The following LAIR1 variants were observed in gnomAD, a reference collection of about 807,000 sequenced individuals.
The protein encoded by LAIR1 is leukocyte-associated immunoglobulin-like receptor 1.
Under a neutral mutation model 32.8 loss-of-function variants are expected in LAIR1, and 24 were observed. The observed-to-expected ratio is 0.73, with a 90% confidence interval of 0.53 to 1.03. The LOEUF (loss-of-function observed/expected upper bound fraction) is 1.03, where lower values mean the gene tolerates loss of function less well. LAIR1 is among the 50% of genes least tolerant of loss of function. LAIR1 has a pLI of 0.00. For synonymous variants in LAIR1, 150 were observed against 140.5 expected (o/e 1.07, Z -0.48); for missense variants, 355 against 347.5 (o/e 1.02, Z -0.17).
exon 1 of LAIR1, chr19:54,370,527 G>A (rs2082378795): frequency 2.6e-6 from 1 of 390,252 alleles, no homozygotes; most frequent in Non-Finnish European, 4.6e-6. Flanking sequence ...CATAGCGGGT[G>A]TCATAGATGT....
chr19:54,357,062 C>G lies in LAIR1; in HGVS notation c.416-96G>C. Reference sequence around the variant, plus strand: ...CACATCCACTGTGGGGATCTCCCTTCACTCCCCAGGACCCTGACTGCTCCC... The same window carrying G: ...CACATCCACTGTGGGGATCTCCCTTGACTCCCCAGGACCCTGACTGCTCCC... On this transcript the variant is annotated intron_variant, in intron 4 of 9. Coordinates refer to ENST00000391742, the MANE Select transcript of LAIR1 (RefSeq NM_002287.6). 7 of 1,195,998 alleles carry G rather than the reference C, an allele frequency of 5.9e-6. No individual in the cohort carries two copies. In the South Asian group the frequency reaches 9.3e-5, roughly 16 times the overall value. 74.1% of individuals were successfully genotyped at this position (1,195,998 alleles called of 1,614,324 possible). A position where few individuals can be genotyped will look rare whatever the true frequency, so the allele number is the denominator to read the frequency against.
In LAIR1 at chr19:54,355,430, C is replaced by A; in HGVS notation, c.718-16G>T. 6.3e-7 allele frequency: 1 copy of A among 1,584,108 alleles called. No homozygotes were observed. On this transcript the variant is annotated splice_polypyrimidine_tract_variant and intron_variant, in intron 9 of 9. Transcript: ENST00000391742. The surrounding 1 kb of genome is among the most constrained non-coding windows in gnomAD (Gnocchi z 4.7). Reference sequence around the variant, plus strand: ...CAGCCAGGGCCTAAGAGGGAGAGACCCAGGGTGAGGGAGTGCCTGGTGGAG... The same window carrying A: ...CAGCCAGGGCCTAAGAGGGAGAGACACAGGGTGAGGGAGTGCCTGGTGGAG...
Position 54,351,925 on chromosome 19 carries a change from A to T in LAIR1, c.*3343T>A, listed in dbSNP as rs1024817173. 1 of 152,182 alleles carries T rather than the reference A, an allele frequency of 6.6e-6. No homozygotes were observed. Among genetic ancestry groups the T allele is most frequent in the African/African-American group, 2.4e-5 (1 of 41,434 alleles). 9.4% of individuals were successfully genotyped at this position (152,182 alleles called of 1,614,324 possible). A position where few individuals can be genotyped will look rare whatever the true frequency, so the allele number is the denominator to read the frequency against. On this transcript the variant is annotated 3_prime_UTR_variant, in exon 10 of 10. Coordinates refer to ENST00000391742, the MANE Select transcript of LAIR1 (RefSeq NM_002287.6). Reference sequence around the variant, plus strand: ...GTCCACCCTATAGTTTGTATAACAAACATTCTCACTTGTTCATGCTGTATT... The same window carrying T: ...GTCCACCCTATAGTTTGTATAACAATCATTCTCACTTGTTCATGCTGTATT...
chr19:54,363,189 C>T (rs965627433), intron 2 of LAIR1, among the ~76,000 whole-genome samples: 8 of 151,856 alleles, frequency 5.3e-5, no homozygotes, highest in African/African-American at 1.9e-4. Context: ...TGAGGCCGGC[C>T]TCGGGGAGCC....
upstream of LAIR1, among the ~76,000 whole-genome samples, chr19:54,374,091 A>AT (rs10714670): frequency 2.6e-3 from 382 of 147,810 alleles, 5 homozygotes; most frequent in South Asian, 0.03. Context: ...TAAGTACAGA[A>AT]TTTTTTTTTT....
At position 54,364,359 on chromosome 19, in the gene LAIR1, G is replaced by A. The variant is rs774351696; in HGVS notation, c.35-29C>T. 1.9e-5 allele frequency: 30 copies of A among 1,613,870 alleles called. No homozygotes were observed. The South Asian group carries it at 2.2e-4, about 12-fold the overall frequency. ...GAAGAGAAGCCCCAGTGAGAAAAAT[G>A]CCCAGTGCCCAGTCTCCTTACGGGG... On this transcript the variant is annotated intron_variant, in intron 1 of 9. Transcript: ENST00000391742. The surrounding 1 kb of genome is among the most constrained non-coding windows in gnomAD (Gnocchi z 4.8).
Position 54,364,394 on chromosome 19 carries a change from A to G in LAIR1, c.35-64T>C. The G allele has an allele frequency of 6.2e-7, 1 of 1,609,204 alleles. No individual in the cohort carries two copies. The highest frequency in any genetic ancestry group is 1.1e-5 in the South Asian group (1 of 90,946). ...CAGTCTCCTTACGGGGCTGCTGTCA[A>G]AAGGGGGCTCGATGGAGCTGGGGGG... On this transcript the variant is annotated intron_variant, in intron 1 of 9. Coordinates refer to ENST00000391742, the MANE Select transcript of LAIR1 (RefSeq NM_002287.6). The surrounding 1 kb of genome is among the most constrained non-coding windows in gnomAD (Gnocchi z 4.8).
chr19:54,360,702 G>A (rs147224217), intron 3 of LAIR1: 7,113 of 573,866 alleles, frequency 0.012, 59 homozygotes, highest in Non-Finnish European at 0.016. Context: ...CACGCCATCC[G>A]TGGCGTCCAG....
chr19:54,368,219 T>C (rs2082315608), upstream of LAIR1: 1 of 152,184 alleles, frequency 6.6e-6, no homozygotes, highest in Non-Finnish European at 1.5e-5. Flanking sequence ...TTTATTTTCA[T>C]GGTTTTGTAA....
rs143753958 is a variant in LAIR1, at chr19:54,361,182, G to C, written c.98C>G (p.Ala33Gly). 1 of 1,614,224 alleles carries C rather than the reference G, an allele frequency of 6.2e-7. No homozygotes were observed. The highest frequency in any genetic ancestry group is 8.5e-7 in the Non-Finnish European group (1 of 1,180,040). ...EEDLPRPSISAEPGTVIPLGS... is the reference protein window; with the variant it reads ...EEDLPRPSISGEPGTVIPLGS... ...CAGGGGGATCACGGTGCCTGGCTCA[G>C]CCGAGATGGAGGGTCTGGGCAGATC... Residue 33 changes from alanine (A) to glycine (G), a missense_variant, in exon 3 of 10, where the codon GCT becomes GGT. Ala to Gly is a moderately conservative substitution (Grantham distance 60, BLOSUM62 0). Transcript: ENST00000391742.
intron 5 of LAIR1, 132 bp downstream of exon 5, chr19:54,356,796 C>A: frequency 7.9e-7 from 1 of 1,262,092 alleles, no homozygotes; most frequent in Non-Finnish European, 1.1e-6. Context: ...GTCCTGAGTG[C>A]TGGAGTCCTC....
chr19:54,365,416 T>C (rs2082221695), upstream of LAIR1, among the ~76,000 whole-genome samples: 1 of 152,162 alleles, frequency 6.6e-6, no homozygotes, highest in African/African-American at 2.4e-5. Flanking sequence ...GCAATCACTA[T>C]AGAGAACAGT....
exon 1 of LAIR1, chr19:54,370,324 T>C (rs10401703): frequency 0.041 from 63,294 of 1,525,520 alleles, 7,759 homozygotes; most frequent in African/African-American, 0.41. Context: ...AGGACGATGA[T>C]CATCTTCATA....
upstream of LAIR1, among the ~76,000 whole-genome samples, chr19:54,369,718 G>C (rs1210920585): frequency 6.6e-6 from 1 of 151,516 alleles, no homozygotes. Context: ...CACAATATTT[G>C]CAACTTAAAT....
At chr19:54,367,801 T>G (rs2082301180), upstream of LAIR1, among the ~76,000 whole-genome samples, 1 of 145,982 alleles carries the variant, frequency 6.9e-6, no homozygotes, top group African/African-American at 2.6e-5. Flanking sequence ...AGTCTCGCTC[T>G]GTCGCCCAGG....
At chr19:54,368,015 A>G (rs1404142211), upstream of LAIR1, among the ~76,000 whole-genome samples, 2 of 150,934 alleles carry the variant, frequency 1.3e-5, no homozygotes, top group Non-Finnish European at 3.0e-5. Flanking sequence ...CTCATGATCC[A>G]CCCGCCTCGG....
rs540733620 is a variant in LAIR1, at chr19:54,356,414, G to A, written c.584-16C>T. On this transcript the variant is annotated splice_polypyrimidine_tract_variant and intron_variant, in intron 6 of 9. Coordinates refer to ENST00000391742, the MANE Select transcript of LAIR1 (RefSeq NM_002287.6). ...CTGGGGGGCCCTAAGGACAGTCGGGGTGTGAATTAAGGAGACCTTCTTCCT... is the reference window on the plus strand; with the variant it reads ...CTGGGGGGCCCTAAGGACAGTCGGGATGTGAATTAAGGAGACCTTCTTCCT... 98 of 1,603,464 alleles carry A rather than the reference G, an allele frequency of 6.1e-5. No homozygotes were observed. In the South Asian group the frequency reaches 9.2e-4, roughly 15 times the overall value.
chr19:54,354,642 T>C lies in LAIR1; in HGVS notation c.*626A>G, dbSNP rs908651854. ...AGGCAGAGAGTGGGTCCGAGAGACCTATGCACCCAGGACCAGGCCTGGGGC... is the reference window on the plus strand; with the variant it reads ...AGGCAGAGAGTGGGTCCGAGAGACCCATGCACCCAGGACCAGGCCTGGGGC... On this transcript the variant is annotated 3_prime_UTR_variant, in exon 10 of 10. Coordinates refer to ENST00000391742, the MANE Select transcript of LAIR1 (RefSeq NM_002287.6). 1 of 152,246 alleles carries C rather than the reference T, an allele frequency of 6.6e-6. No homozygotes were observed. The highest frequency in any genetic ancestry group is 1.9e-4 in the East Asian group (1 of 5,200). The allele number at this position is 152,246 out of a possible 1,614,324, so 9.4% of individuals were successfully genotyped here.
At chr19:54,374,944 G>A (rs185589659), upstream of LAIR1, among the ~76,000 whole-genome samples, 4 of 152,150 alleles carry the variant, frequency 2.6e-5, no homozygotes, top group Admixed American at 6.5e-5. Flanking sequence ...GTGGGAGTCC[G>A]CTGTGCTGCT....
Sources: gnomAD v4.1 joint callset for allele counts (sites outside exome capture counted in the v4.1 genomes callset) on GRCh38, gnomAD v4.1.1 for gene constraint, Gnocchi (gnomAD v3.1) non-coding constraint, MANE v1.5 for transcripts, NCBI Gene and HGNC (gene_info 2026-07-23, HGNC 2026-07-21) for gene names.